SAMD5: variants seen among roughly 807,000 people sequenced by gnomAD.
SAMD5 encodes the protein sterile alpha motif domain containing 5.
A neutral mutation model predicts 11.3 loss-of-function variants in SAMD5; 13 were observed. The ratio of observed to expected loss-of-function variants is 1.15; its 90% CI spans 0.75 to 1.83. The LOEUF (loss-of-function observed/expected upper bound fraction) is 1.83. Among genes scored for constraint, SAMD5 ranks in the 40% most tolerant of loss-of-function variants. The pLI is 0.00. For missense variants in SAMD5, 255 were observed against 239.1 expected, an observed-to-expected ratio of 1.07 and a Z score of -0.44; for synonymous variants, 129 against 111.3, an observed-to-expected ratio of 1.16 and a Z score of -1.00.
At chr6:147,776,969 G>A in the SAMD5 span, among the ~76,000 whole-genome samples, 1 of 152,126 alleles carries the variant, frequency 6.6e-6, no homozygotes, top group Non-Finnish European at 1.5e-5. Flanking sequence ...TTGTAGATAT[G>A]CCTGCAGCAC....
chr6:147,914,769 C>A, the SAMD5 span, among the ~76,000 whole-genome samples: 1 of 152,084 alleles, frequency 6.6e-6, no homozygotes. Context: ...ACTAGGTGAT[C>A]AAAATTATTG....
chr6:147,603,652 T>C (rs1295345143), intron 1 of SAMD5, among the ~76,000 whole-genome samples: 1 of 152,172 alleles, frequency 6.6e-6, no homozygotes, highest in East Asian at 1.9e-4. Flanking sequence ...TGGTTATGTG[T>C]AAAGCCAAGT....
chr6:147,655,295 T>C (rs1790549359), intron 1 of SAMD5, among the ~76,000 whole-genome samples: 1 of 152,122 alleles, frequency 6.6e-6, no homozygotes, highest in Non-Finnish European at 1.5e-5. Context: ...ACAGGAGAGA[T>C]TTTGTACTAT....
intron 1 of SAMD5, among the ~76,000 whole-genome samples, chr6:147,551,127 C>T (rs1239409188): frequency 1.3e-5 from 2 of 152,178 alleles, no homozygotes; most frequent in Non-Finnish European, 2.9e-5. Context: ...ACTGACAGCG[C>T]CCTGGGGCAC....
chr6:147,690,995 G>A (rs1414639386), intron 1 of SAMD5, among the ~76,000 whole-genome samples: 1 of 134,692 alleles, frequency 7.4e-6, no homozygotes, highest in East Asian at 2.1e-4. Flanking sequence ...GGTGGGGATC[G>A]GGGGTGTGGG....
At chr6:147,709,913 T>C (rs1426614866) in intron 1 of SAMD5, among the ~76,000 whole-genome samples, 1 of 152,134 alleles carries the variant, frequency 6.6e-6, no homozygotes, top group Non-Finnish European at 1.5e-5. Context: ...CACAATTGTG[T>C]CTTGCCGCTT....
At chr6:147,771,816 A>G in the SAMD5 span, among the ~76,000 whole-genome samples, 2 of 152,208 alleles carry the variant, frequency 1.3e-5, no homozygotes, top group African/African-American at 2.4e-5. Context: ...GAGTTTTTAA[A>G]TACAACATTT....
the SAMD5 span, among the ~76,000 whole-genome samples, chr6:147,809,763 C>T: frequency 5.9e-5 from 9 of 152,202 alleles, no homozygotes; most frequent in Non-Finnish European, 1.2e-4. Flanking sequence ...CCACTATTGA[C>T]ATTTGTAGCC....
the SAMD5 span, among the ~76,000 whole-genome samples, chr6:147,862,232 C>T: frequency 1.3e-5 from 2 of 151,834 alleles, no homozygotes; most frequent in African/African-American, 4.8e-5. Context: ...GCAAGGAGGC[C>T]CTCATTGCCT....
chr6:147,942,823 C>CTTTTTTTTTTTTTTTTTT, the SAMD5 span, among the ~76,000 whole-genome samples: 1 of 128,850 alleles, frequency 7.8e-6, no homozygotes, highest in Non-Finnish European at 1.6e-5. Context: ...CCCAATGCTT[C>CTTTTTTTTTTTTTTTTTT]TTTTTTTTTT....
At chr6:147,619,156 G>A (rs1789919881) in intron 1 of SAMD5, among the ~76,000 whole-genome samples, 1 of 152,156 alleles carries the variant, frequency 6.6e-6, no homozygotes, top group African/African-American at 2.4e-5. Flanking sequence ...TTTTTATGCT[G>A]TGGGCAGGGC....
the SAMD5 span, among the ~76,000 whole-genome samples, chr6:147,949,847 T>G: frequency 6.6e-6 from 1 of 152,246 alleles, no homozygotes; most frequent in East Asian, 1.9e-4. Flanking sequence ...AGGTTCATTT[T>G]GTTATACTGC....
the SAMD5 span, among the ~76,000 whole-genome samples, chr6:147,892,884 G>A: frequency 1.3e-5 from 2 of 152,016 alleles, no homozygotes; most frequent in African/African-American, 4.8e-5. Flanking sequence ...TCAATTACTG[G>A]CACTTTTTGA....
the SAMD5 span, among the ~76,000 whole-genome samples, chr6:147,945,617 C>T: frequency 0.67 from 101,978 of 151,892 alleles, 34,736 homozygotes; most frequent in Non-Finnish European, 0.73. Context: ...ATAAAAGTGA[C>T]GCTATTGGAG....
intron 1 of SAMD5, among the ~76,000 whole-genome samples, chr6:147,715,565 T>C (rs1791454415): frequency 6.6e-6 from 1 of 152,290 alleles, no homozygotes; most frequent in East Asian, 1.9e-4. Context: ...TCTTCTCCCC[T>C]CTCCTTCTTG....
chr6:147,729,320 G>A (rs1791675322), intron 1 of SAMD5, among the ~76,000 whole-genome samples: 1 of 152,144 alleles, frequency 6.6e-6, no homozygotes, highest in South Asian at 2.1e-4. Flanking sequence ...AATTCAGCCC[G>A]TAACAAAAGC....
intron 1 of SAMD5, among the ~76,000 whole-genome samples, chr6:147,715,330 G>T (rs534559655): frequency 2.0e-5 from 3 of 152,354 alleles, no homozygotes; most frequent in African/African-American, 7.2e-5. Flanking sequence ...CACACTGGTG[G>T]ATGCAGCAGG....
downstream of SAMD5, among the ~76,000 whole-genome samples, chr6:147,572,873 T>C (rs894780652): frequency 1.3e-5 from 2 of 152,160 alleles, no homozygotes; most frequent in Non-Finnish European, 2.9e-5. Flanking sequence ...TTGATATAAA[T>C]TTGTGACCCA....
intron 1 of SAMD5, among the ~76,000 whole-genome samples, chr6:147,551,283 G>A (rs548521682): frequency 2.6e-5 from 4 of 152,132 alleles, no homozygotes; most frequent in Non-Finnish European, 4.4e-5. Context: ...TGATAGAACC[G>A]GGTCTTAAAA....
Sources: allele counts gnomAD v4.1 joint callset (sites outside exome capture counted in the v4.1 genomes callset), GRCh38; gene constraint gnomAD v4.1.1; transcripts MANE v1.5; gene names NCBI Gene and HGNC (gene_info 2026-07-23, HGNC 2026-07-21).